PXMP4: variants seen among roughly 807,000 people sequenced by gnomAD.
PXMP4 encodes the protein 24 kDa peroxisomal intrinsic membrane protein.
In PXMP4, 16 loss-of-function variants were observed where a neutral mutation model predicts 21.6. The observed-to-expected ratio is 0.74, with a 90% CI of 0.50 to 1.13. The LOEUF is 1.13. Among genes scored for constraint, PXMP4 ranks in the 50% most tolerant of loss-of-function variants. The pLI is 0.00. For missense variants in PXMP4, 240 were observed against 277.7 expected, an observed-to-expected ratio of 0.86 and a Z score of 0.96; for synonymous variants, 127 against 123.8, an observed-to-expected ratio of 1.03 and a Z score of -0.17.
intron 1 of PXMP4, 119 bp downstream of exon 1, chr20:33,719,976 A>G (rs1299145612): frequency 8.5e-6 from 8 of 945,454 alleles, no homozygotes; most frequent in Non-Finnish European, 1.3e-5. Flanking sequence ...TCCGAGACTT[A>G]GAGACACACG....
At chr20:33,708,891 T>G (rs1245354340) in intron 3 of PXMP4, among the ~76,000 whole-genome samples, 1 of 152,122 alleles carries the variant, frequency 6.6e-6, no homozygotes, top group Non-Finnish European at 1.5e-5. Flanking sequence ...ATTACCGGCA[T>G]GAGCCACCAT....
chr20:33,715,841 CTT>C (rs11475452), intron 1 of PXMP4, among the ~76,000 whole-genome samples: 68 of 123,880 alleles, frequency 5.5e-4, no homozygotes, highest in Admixed American at 1.2e-3. Flanking sequence ...CAGCCAGTCT[CTT>C]TTTTTTTTTT....
At chr20:33,708,052 TTC>T (rs370343569) in intron 3 of PXMP4, 83 bp from the exon 4 acceptor site, 1 of 1,425,360 alleles carries the variant, frequency 7.0e-7, no homozygotes, top group Non-Finnish European at 9.4e-7. Context: ...TTTGTTTCAT[TTC>T]TCTTTTTTTC....
Position 33,704,508 on chromosome 20 carries a change from C to G in PXMP4, c.*3198G>C, listed in dbSNP as rs182044154. ...TTCCGAACAGGCCATGGACCGGTAC[C>G]GGGGTTGCGGACCCCTTACTCTAGA... On this transcript the variant is annotated 3_prime_UTR_variant, in exon 4 of 4. Coordinates refer to ENST00000409299, the MANE Select transcript of PXMP4 (RefSeq NM_007238.5). 8 of 152,336 alleles carry G rather than the reference C, an allele frequency of 5.3e-5. No individual in the cohort carries two copies. Among genetic ancestry groups the G allele is most frequent in the Admixed American group, 1.3e-4 (2 of 15,304 alleles). The allele number at this position is 152,336 out of a possible 1,614,324, so 9.4% of individuals were successfully genotyped here. A position where few individuals can be genotyped will look rare whatever the true frequency, so the allele number is the denominator to read the frequency against.
At chr20:33,711,137 TAATA>T (rs2018321544) in intron 2 of PXMP4, among the ~76,000 whole-genome samples, 1 of 152,188 alleles carries the variant, frequency 6.6e-6, no homozygotes, top group South Asian at 2.1e-4. Flanking sequence ...AGTAGGTGCT[TAATA>T]AATGTTTTTT....
chr20:33,718,700 C>T (rs926328267), intron 1 of PXMP4, among the ~76,000 whole-genome samples: 10 of 152,016 alleles, frequency 6.6e-5, no homozygotes, highest in African/African-American at 1.2e-4. Flanking sequence ...CGGCTCCAAC[C>T]GTGACCAAGT....
intron 1 of PXMP4, among the ~76,000 whole-genome samples, chr20:33,716,405 A>G (rs6142005): frequency 0.15 from 22,186 of 151,714 alleles, 2,335 homozygotes; most frequent in East Asian, 0.51. Context: ...AGTTCCTACT[A>G]CCTGGCGTGC....
chr20:33,716,036 G>T (rs556705405), intron 1 of PXMP4, among the ~76,000 whole-genome samples: 30 of 150,950 alleles, frequency 2.0e-4, no homozygotes, highest in Middle Eastern at 3.5e-3. Context: ...TAGAGACGAG[G>T]TTTCTCCCTG....
chr20:33,717,658 A>AAAAAAAAAAAT (rs1555866644), intron 1 of PXMP4, among the ~76,000 whole-genome samples: 21 of 137,502 alleles, frequency 1.5e-4, no homozygotes, highest in South Asian at 4.3e-4. Flanking sequence ...AAAAAAAAAA[A>AAAAAAAAAAAT]TTATTAAATA....
chr20:33,710,741 C>T lies in PXMP4; in HGVS notation c.189G>A (p.Lys63=), dbSNP rs951843127. ...FLFRNGSLQE[K]LWAILQATYI... ...ATGTGGCCTGCAGTATGGCCCACAG[C>T]TTCTCCTGGAGGCTGCACAAACACA... Residue 63 remains lysine (K), a synonymous_variant, in exon 3 of 4, where the codon AAG becomes AAA. Transcript: ENST00000409299. 8 of 1,607,846 alleles carry T rather than the reference C, an allele frequency of 5.0e-6. No individual in the cohort carries two copies. The highest frequency in any genetic ancestry group is 6.0e-6 in the Non-Finnish European group (7 of 1,176,172).
In PXMP4 at chr20:33,707,512, C is replaced by T. The variant is rs1426511974; in HGVS notation, c.*194G>A. ...GGAACCAAGCCGTAGATTCCTCAGC[C>T]TGATTCGGCCACTTGTGCCACCATA... On this transcript the variant is annotated 3_prime_UTR_variant, in exon 4 of 4. Coordinates refer to ENST00000409299, the MANE Select transcript of PXMP4 (RefSeq NM_007238.5). 1 of 782,926 alleles carries T rather than the reference C, an allele frequency of 1.3e-6. No homozygotes were observed. Among genetic ancestry groups the T allele is most frequent in the Non-Finnish European group, 1.9e-6 (1 of 512,946 alleles). The allele number at this position is 782,926 out of a possible 1,614,324, so 48.5% of individuals were successfully genotyped here.
Position 33,710,541 on chromosome 20 carries a change from G to C in PXMP4, c.375+14C>G, listed in dbSNP as rs748743037. On this transcript the variant is annotated intron_variant, in intron 3 of 3. Coordinates refer to ENST00000409299, the MANE Select transcript of PXMP4 (RefSeq NM_007238.5). ...ACGCCCCCTTCACTACCCCCATCTCGGGAGGATCTTTACCTGGCTGTTGAT... is the reference window on the plus strand; with the variant it reads ...ACGCCCCCTTCACTACCCCCATCTCCGGAGGATCTTTACCTGGCTGTTGAT... 60 of 1,457,852 alleles carry C rather than the reference G, an allele frequency of 4.1e-5. No individual in the cohort carries two copies. The Admixed American group carries it at 1.2e-3, about 28-fold the overall frequency. 90.3% of individuals were successfully genotyped at this position (1,457,852 alleles called of 1,614,324 possible).
rs909191421 is a variant in PXMP4 at position 33,704,485 on chromosome 20, C to T, written c.*3221G>A. Reference sequence around the variant, plus strand: ...TCAACTCCTGCTGCGTGGCCTGGTTCCGAACAGGCCATGGACCGGTACCGG... The same window carrying T: ...TCAACTCCTGCTGCGTGGCCTGGTTTCGAACAGGCCATGGACCGGTACCGG... On this transcript the variant is annotated 3_prime_UTR_variant, in exon 4 of 4. Transcript: ENST00000409299. The T allele has an allele frequency of 2.6e-5, 4 of 152,270 alleles. No homozygotes were observed. The highest frequency in any genetic ancestry group is 2.0e-4 in the Admixed American group (3 of 15,280). 9.4% of individuals were successfully genotyped at this position (152,270 alleles called of 1,614,324 possible).
intron 1 of PXMP4, among the ~76,000 whole-genome samples, chr20:33,718,190 T>C (rs1193050878): frequency 1.3e-5 from 2 of 152,060 alleles, no homozygotes; most frequent in East Asian, 1.9e-4. Context: ...TGCAGGCTTG[T>C]TTGAAAAAAC....
rs2018272806 is a variant in PXMP4, at chr20:33,707,694, C to T, written c.*12G>A. ...CAAATCTTGAGCCACAGCCAGACAC[C>T]TCAGGGCTGCATTAATTGGAGGGAC... On this transcript the variant is annotated 3_prime_UTR_variant, in exon 4 of 4. Transcript: ENST00000409299. 1 of 1,612,668 alleles carries T rather than the reference C, an allele frequency of 6.2e-7. No individual in the cohort carries two copies.
At chr20:33,708,655 C>T (rs980022498) in intron 3 of PXMP4, among the ~76,000 whole-genome samples, 8 of 151,684 alleles carry the variant, frequency 5.3e-5, no homozygotes, top group African/African-American at 1.9e-4. Flanking sequence ...TTATATGTGA[C>T]AGCCAATAAA....
chr20:33,708,845 C>A (rs887153789), intron 3 of PXMP4, among the ~76,000 whole-genome samples: 1 of 152,100 alleles, frequency 6.6e-6, no homozygotes, highest in African/African-American at 2.4e-5. Flanking sequence ...TGTGCGCCAC[C>A]ATGCCTAATT....
intron 1 of PXMP4, among the ~76,000 whole-genome samples, chr20:33,716,850 T>C (rs1177327894): frequency 6.6e-6 from 1 of 152,224 alleles, no homozygotes; most frequent in Admixed American, 6.5e-5. Flanking sequence ...ACTGTACCTA[T>C]TCAAAATGTA....
intron 1 of PXMP4, among the ~76,000 whole-genome samples, chr20:33,718,246 C>T (rs2018404386): frequency 6.6e-6 from 1 of 152,080 alleles, no homozygotes; most frequent in Non-Finnish European, 1.5e-5. Flanking sequence ...TGTGGTGGCT[C>T]ACGCCTGTAA....
Sources: gnomAD v4.1 joint callset for allele counts (sites outside exome capture counted in the v4.1 genomes callset) on GRCh38, gnomAD v4.1.1 for gene constraint, MANE v1.5 for transcripts, NCBI Gene and HGNC (gene_info 2026-07-23, HGNC 2026-07-21) for gene names.